The following MAGI2 variants were observed in gnomAD, a reference collection of about 807,000 sequenced individuals.
The protein encoded by MAGI2 is membrane associated guanylate kinase, WW and PDZ domain containing 2, also known as membrane-associated guanylate kinase, WW and PDZ domain-containing protein 2.
MAGI2 carries 35 observed loss-of-function variants against 133.3 expected under a neutral mutation model. That is an observed-to-expected ratio of 0.26 (90% CI 0.20 to 0.35). The LOEUF is 0.35. MAGI2 is among the 10% of genes least tolerant of loss of function. The pLI is 1.00. For missense variants in MAGI2, 1,636 were observed against 1,863.4 expected, an observed-to-expected ratio of 0.88 and a Z score of 2.25; for synonymous variants, 729 against 710.6, an observed-to-expected ratio of 1.03 and a Z score of -0.41.
At chr7:78,644,296 C>A (rs1810615132) in intron 2 of MAGI2, among the ~76,000 whole-genome samples, 1 of 151,994 alleles carries the variant, frequency 6.6e-6, no homozygotes, top group African/African-American at 2.4e-5. Context: ...AAGTTATAGA[C>A]CTGAACCACA....
At chr7:78,611,113 G>C (rs1275381333) in intron 3 of MAGI2, among the ~76,000 whole-genome samples, 2 of 152,116 alleles carry the variant, frequency 1.3e-5, no homozygotes, top group East Asian at 3.9e-4. Flanking sequence ...ATCAAGTCTG[G>C]TGTTGTTTTG....
At chr7:78,178,381 C>T (rs1386900889) in intron 13 of MAGI2, among the ~76,000 whole-genome samples, 2 of 152,042 alleles carry the variant, frequency 1.3e-5, no homozygotes, top group African/African-American at 2.4e-5. Flanking sequence ...AAAATTGATG[C>T]CTTTATAATT....
At chr7:78,612,905 C>T (rs1306911286) in intron 3 of MAGI2, among the ~76,000 whole-genome samples, 2 of 152,046 alleles carry the variant, frequency 1.3e-5, no homozygotes, top group East Asian at 1.9e-4. Context: ...CTCCTGACCT[C>T]GTGATCCGCC....
At chr7:78,991,685 G>A (rs954983789) in intron 2 of MAGI2, among the ~76,000 whole-genome samples, 2 of 151,130 alleles carry the variant, frequency 1.3e-5, no homozygotes, top group Non-Finnish European at 1.5e-5. Context: ...AGGTAAGGAT[G>A]TACCAATCCA....
intron 1 of MAGI2, among the ~76,000 whole-genome samples, chr7:79,393,184 C>A (rs938291544): frequency 6.6e-6 from 1 of 152,060 alleles, no homozygotes; most frequent in Admixed American, 6.6e-5. Flanking sequence ...TGTATTTTCC[C>A]ATTTTCTGAT....
chr7:78,537,382 G>C (rs1017456709), intron 3 of MAGI2, among the ~76,000 whole-genome samples: 1 of 152,160 alleles, frequency 6.6e-6, no homozygotes, highest in Non-Finnish European at 1.5e-5. Flanking sequence ...TTGCTGGATA[G>C]AATGGTAGAT....
intron 2 of MAGI2, among the ~76,000 whole-genome samples, chr7:78,699,616 C>T (rs1409046265): frequency 2.0e-5 from 3 of 152,176 alleles, no homozygotes; most frequent in Admixed American, 6.5e-5. Flanking sequence ...AAGGTGTACT[C>T]AACCTGCTTA....
At chr7:78,944,168 C>A (rs1306356209) in intron 2 of MAGI2, among the ~76,000 whole-genome samples, 1 of 152,118 alleles carries the variant, frequency 6.6e-6, no homozygotes, top group Non-Finnish European at 1.5e-5. Context: ...TCTGCTCTGC[C>A]TTAATTCATT....
intron 1 of MAGI2, among the ~76,000 whole-genome samples, chr7:79,303,304 A>T (rs1837523948): frequency 3.4e-3 from 1 of 292 alleles, no homozygotes; most frequent in African/African-American, 4.2e-3. Context: ...CATTGAAATA[A>T]AAAAAAACTT....
At chr7:78,526,440 A>G in intron 3 of MAGI2, among the ~76,000 whole-genome samples, 1 of 152,228 alleles carries the variant, frequency 6.6e-6, no homozygotes, top group Non-Finnish European at 1.5e-5. Context: ...AATCATCTAT[A>G]CATTAGCAGT....
chr7:78,743,882 C>T (rs1450174925), intron 2 of MAGI2, among the ~76,000 whole-genome samples: 1 of 151,958 alleles, frequency 6.6e-6, no homozygotes, highest in Non-Finnish European at 1.5e-5. Flanking sequence ...TTTTTTCCTT[C>T]TGTCTGAAAA....
At chr7:78,752,861 A>T (rs1823584214) in intron 2 of MAGI2, among the ~76,000 whole-genome samples, 1 of 152,184 alleles carries the variant, frequency 6.6e-6, no homozygotes, top group Admixed American at 6.5e-5. Flanking sequence ...TATCTGGCTA[A>T]GTCCTGAACT....
intron 3 of MAGI2, among the ~76,000 whole-genome samples, chr7:78,610,837 G>A (rs112484564): frequency 2.6e-5 from 4 of 152,280 alleles, no homozygotes; most frequent in East Asian, 3.9e-4. Context: ...GAAGAGCAAA[G>A]CGAGTCATCC....
At chr7:78,802,771 G>A (rs1788182457) in intron 2 of MAGI2, among the ~76,000 whole-genome samples, 1 of 152,046 alleles carries the variant, frequency 6.6e-6, no homozygotes, top group South Asian at 2.1e-4. Context: ...GGACCTGGGT[G>A]TCTTGTAGGT....
intron 1 of MAGI2, among the ~76,000 whole-genome samples, chr7:79,011,637 G>T (rs1808103723): frequency 6.6e-6 from 1 of 152,128 alleles, no homozygotes; most frequent in Non-Finnish European, 1.5e-5. Context: ...TAAATAGAGA[G>T]GGGAAAGGTG....
chr7:78,535,086 C>T (rs749129708), intron 3 of MAGI2, among the ~76,000 whole-genome samples: 4 of 151,994 alleles, frequency 2.6e-5, no homozygotes, highest in Non-Finnish European at 5.9e-5. Context: ...GAGCCGAGAT[C>T]GCACCACTGC....
chr7:78,955,747 T>C (rs1802291996), intron 2 of MAGI2, among the ~76,000 whole-genome samples: 1 of 70,912 alleles, frequency 1.4e-5, no homozygotes, highest in South Asian at 4.6e-4. Context: ...CTTTCTTTCT[T>C]TCTTTCTTTC....
At chr7:78,473,587 A>G (rs1423767255) in intron 6 of MAGI2, among the ~76,000 whole-genome samples, 2 of 152,076 alleles carry the variant, frequency 1.3e-5, no homozygotes, top group Non-Finnish European at 2.9e-5. Context: ...AACTCAGTGC[A>G]AACATCCATC....
At chr7:78,826,440 G>T (rs1790659215) in intron 2 of MAGI2, among the ~76,000 whole-genome samples, 1 of 150,798 alleles carries the variant, frequency 6.6e-6, no homozygotes, top group Admixed American at 6.6e-5. Context: ...CTAATTTTTT[G>T]ACATTCTGGA....
Sources: gnomAD v4.1 joint callset for allele counts (sites outside exome capture counted in the v4.1 genomes callset) on GRCh38, gnomAD v4.1.1 for gene constraint, MANE v1.5 for transcripts, NCBI Gene and HGNC (gene_info 2026-07-23, HGNC 2026-07-21) for gene names.